PLPP4: variants seen among roughly 807,000 people sequenced by gnomAD.
PLPP4 encodes diacylglycerol pyrophosphate like 2.
PLPP4 carries 20 observed loss-of-function variants against 32.2 expected under a neutral mutation model. The ratio of observed to expected loss-of-function variants is 0.62; its 90% CI spans 0.44 to 0.90. PLPP4 has a LOEUF of 0.90. Among genes scored for constraint, PLPP4 ranks in the 40% least tolerant of loss-of-function variants. The pLI, the probability that PLPP4 is intolerant of heterozygous loss-of-function variation, is 0.00. For missense variants in PLPP4, 257 were observed against 353.1 expected (o/e 0.73, Z 2.18); for synonymous variants, 127 against 133.0 (o/e 0.95, Z 0.31).
At chr10:120,576,176 G>A (rs1304765039) in intron 6 of PLPP4, among the ~76,000 whole-genome samples, 1 of 152,180 alleles carries the variant, frequency 6.6e-6, no homozygotes, top group Non-Finnish European at 1.5e-5. Flanking sequence ...AAGAAACACT[G>A]GTAAAGAGCT....
chr10:120,522,722 T>C (rs976486960), intron 5 of PLPP4, among the ~76,000 whole-genome samples: 1 of 152,216 alleles, frequency 6.6e-6, no homozygotes, highest in Non-Finnish European at 1.5e-5. Context: ...GATAATAATA[T>C]GACATCGTAG....
chr10:120,554,815 A>G (rs927590737), intron 5 of PLPP4, among the ~76,000 whole-genome samples: 1 of 152,148 alleles, frequency 6.6e-6, no homozygotes, highest in Non-Finnish European at 1.5e-5. Context: ...CACTATCATG[A>G]GAACAGCAAG....
chr10:120,585,614 G>A (rs12775329), intron 6 of PLPP4, among the ~76,000 whole-genome samples: 47,124 of 152,080 alleles, frequency 0.31, 7,405 homozygotes, highest in African/African-American at 0.33. Flanking sequence ...TTAATGAGGC[G>A]GATACTGAGA....
At chr10:120,483,831 C>T (rs548049931) in intron 1 of PLPP4, among the ~76,000 whole-genome samples, 13 of 152,332 alleles carry the variant, frequency 8.5e-5, no homozygotes, top group East Asian at 3.9e-4. Context: ...TGGAGCTCCC[C>T]GGGCCTTCTG....
rs180976490 is a variant in PLPP4, at chr10:120,572,682, C to T, written c.446-2449C>T. ...GATTTGAATAAAGTCCATTATTCCT[C>T]CTGAAGGAGCTCAGGATGGGATCAA... On this transcript the variant is annotated intron_variant, in intron 5 of 6. Transcript: ENST00000398250. Among the ~76,000 whole-genome samples, 401 of 152,324 alleles carry T rather than the reference C, an allele frequency of 2.6e-3. 2 individuals are homozygous for T. The highest frequency in any genetic ancestry group is 3.1e-3 in the Non-Finnish European group (209 of 68,038).
intron 5 of PLPP4, among the ~76,000 whole-genome samples, chr10:120,572,597 G>GT (rs200130507): frequency 0.032 from 4,916 of 152,178 alleles, 110 homozygotes; most frequent in South Asian, 0.081. Context: ...CCCCAGGGCA[G>GT]TTTTTTTTGT....
At chr10:120,566,677 C>T (rs1045048863) in intron 5 of PLPP4, among the ~76,000 whole-genome samples, 3 of 151,510 alleles carry the variant, frequency 2.0e-5, no homozygotes, top group Non-Finnish European at 2.9e-5. Flanking sequence ...ACCTCAGCCT[C>T]CTGAGTAGCT....
chr10:120,545,417 C>T (rs1431623891), intron 5 of PLPP4, among the ~76,000 whole-genome samples: 1 of 152,220 alleles, frequency 6.6e-6, no homozygotes, highest in Non-Finnish European at 1.5e-5. Context: ...TACTCATGGA[C>T]ATTCTTTCCT....
intron 5 of PLPP4, among the ~76,000 whole-genome samples, chr10:120,542,399 A>G (rs1282498769): frequency 1.3e-5 from 2 of 150,542 alleles, no homozygotes; most frequent in East Asian, 1.9e-4. Flanking sequence ...AGTGAATCAC[A>G]TAATTTATGG....
chr10:120,503,191 G>A (rs1845344048), intron 1 of PLPP4, among the ~76,000 whole-genome samples: 1 of 152,166 alleles, frequency 6.6e-6, no homozygotes, highest in Admixed American at 6.5e-5. Context: ...CTCTAGCCTG[G>A]CACTCACAGC....
At chr10:120,533,743 AG>A (rs1846854494) in intron 5 of PLPP4, among the ~76,000 whole-genome samples, 1 of 152,090 alleles carries the variant, frequency 6.6e-6, no homozygotes, top group Non-Finnish European at 1.5e-5. Flanking sequence ...AAAGAAGCTG[AG>A]GGAAAAAGGG....
chr10:120,553,271 T>C (rs1847991871), intron 5 of PLPP4, among the ~76,000 whole-genome samples: 1 of 152,170 alleles, frequency 6.6e-6, no homozygotes, highest in Admixed American at 6.6e-5. Context: ...GTCATGGTTT[T>C]AGGGGCTGGG....
chr10:120,519,829 G>C (rs1013957192), intron 4 of PLPP4, among the ~76,000 whole-genome samples: 25 of 152,306 alleles, frequency 1.6e-4, no homozygotes, highest in African/African-American at 5.5e-4. Context: ...CGTGGTAGGT[G>C]CTCAGCGAAT....
intron 6 of PLPP4, among the ~76,000 whole-genome samples, chr10:120,580,642 T>TACACACACACACACAC (rs59076083): frequency 4.2e-5 from 4 of 95,670 alleles, no homozygotes; most frequent in East Asian, 2.7e-4. Flanking sequence ...CTCTGTCTCT[T>TACACACACACACACAC]ACACACACAC....
intron 5 of PLPP4, among the ~76,000 whole-genome samples, chr10:120,531,873 TACACACACACAC>T (rs145252286): frequency 6.7e-6 from 1 of 148,258 alleles, no homozygotes; most frequent in East Asian, 2.0e-4. Context: ...CTACACACAC[TACACACACACAC>T]ACACACACAC....
At chr10:120,483,411 T>G (rs1452929856) in intron 1 of PLPP4, among the ~76,000 whole-genome samples, 1 of 152,190 alleles carries the variant, frequency 6.6e-6, no homozygotes, top group Non-Finnish European at 1.5e-5. Context: ...GAACCCTGAT[T>G]AATACATTCT....
intron 5 of PLPP4, among the ~76,000 whole-genome samples, chr10:120,552,294 G>A (rs1239125872): frequency 6.6e-6 from 1 of 151,884 alleles, no homozygotes; most frequent in African/African-American, 2.4e-5. Context: ...TATCACCAGA[G>A]AGAATAAGGC....
chr10:120,563,806 CAAAAAAAAAAAAAAA>C (rs139746974), intron 5 of PLPP4, among the ~76,000 whole-genome samples: 5 of 86,484 alleles, frequency 5.8e-5, no homozygotes, highest in African/African-American at 1.5e-4. Context: ...GACTCCGTCT[CAAAAAAAAAAAAAAA>C]AAAAAAAAAA....
chr10:120,476,328 T>C (rs1843907928), intron 1 of PLPP4, among the ~76,000 whole-genome samples: 1 of 152,218 alleles, frequency 6.6e-6, no homozygotes, highest in South Asian at 2.1e-4. Flanking sequence ...GTTGAGTGCT[T>C]ACTCTGTGCC....
Sources: gnomAD v4.1 joint callset for allele counts (sites outside exome capture counted in the v4.1 genomes callset) on GRCh38, gnomAD v4.1.1 for gene constraint, MANE v1.5 for transcripts, NCBI Gene and HGNC (gene_info 2026-07-23, HGNC 2026-07-21) for gene names.